The following PPP3CC variants were observed in gnomAD, a reference collection of about 807,000 sequenced individuals.
PPP3CC encodes protein phosphatase 3 catalytic subunit gamma, also known as serine/threonine-protein phosphatase 2B catalytic subunit gamma isoform.
PPP3CC carries 35 observed loss-of-function variants against 60.3 expected under a neutral mutation model. The ratio of observed to expected loss-of-function variants is 0.58; its 90% CI spans 0.44 to 0.77. PPP3CC has a LOEUF of 0.77. Among genes scored for constraint, PPP3CC ranks in the 30% least tolerant of loss-of-function variants. The pLI is 0.00. For synonymous variants in PPP3CC, 206 were observed against 224.3 expected (o/e 0.92, Z 0.73); for missense variants, 570 against 628.9 (o/e 0.91, Z 1.00).
At position 22,441,110 on chromosome 8, in the gene PPP3CC, C is replaced by T; in HGVS notation, c.-300C>T. 3.5e-6 allele frequency: 1 copy of T among 281,694 alleles called. No individual in the cohort carries two copies. The highest frequency in any genetic ancestry group is 6.6e-6 in the Non-Finnish European group (1 of 151,500). 17.4% of individuals were successfully genotyped at this position (281,694 alleles called of 1,614,324 possible). A position where few individuals can be genotyped will look rare whatever the true frequency, so the allele number is the denominator to read the frequency against. On this transcript the variant is annotated 5_prime_UTR_variant, in exon 1 of 14. Transcript: ENST00000240139. The stretch of plus-strand genomic sequence containing the variant: ...CGAGGGCCCGGGCCGCGAGCAGCCG[C>T]GGCCGTCCCGGTCGCCACCCTTAGC...
chr8:22,527,417 T>A lies in PPP3CC; in HGVS notation c.969T>A (p.Asn323Lys). The change falls in exon 9 of 14, where the codon AAT (asparagine) becomes AAA (lysine). Residue 323 changes from asparagine (N) to lysine (K), a missense_variant. Asn to Lys is a moderately conservative substitution (Grantham distance 94, BLOSUM62 0). Coordinates refer to ENST00000240139, the MANE Select transcript of PPP3CC (RefSeq NM_005605.5). ...CTGCTGTGTTGAAATATGAAAACAATGTCATGAATATCAGGCAGTTTAACT... is the reference window on the plus strand; with the variant it reads ...CTGCTGTGTTGAAATATGAAAACAAAGTCATGAATATCAGGCAGTTTAACT... Reference protein sequence around the residue: ...NKAAVLKYENNVMNIRQFNCS... With the variant: ...NKAAVLKYENKVMNIRQFNCS... 6.2e-7 allele frequency: 1 copy of A among 1,613,848 alleles called. No homozygotes were observed. The highest frequency in any genetic ancestry group is 8.5e-7 in the Non-Finnish European group (1 of 1,179,822).
intron 4 of PPP3CC, among the ~76,000 whole-genome samples, chr8:22,504,020 C>A (rs1838837628): frequency 6.6e-6 from 1 of 152,072 alleles, no homozygotes; most frequent in African/African-American, 2.4e-5. Context: ...TCAGATTGTG[C>A]AGCTGTAATC....
chr8:22,521,780 C>T (rs1349092688), intron 6 of PPP3CC, among the ~76,000 whole-genome samples: 1 of 151,976 alleles, frequency 6.6e-6, no homozygotes, highest in African/African-American at 2.4e-5. Flanking sequence ...AGGTATTTGT[C>T]ATTCAGAGAG....
intron 3 of PPP3CC, among the ~76,000 whole-genome samples, chr8:22,484,867 T>A (rs912131352): frequency 3.9e-5 from 6 of 152,138 alleles, no homozygotes; most frequent in Non-Finnish European, 8.8e-5. Flanking sequence ...AAGAAAGAGT[T>A]TAGAAAAAGA....
At chr8:22,458,585 G>A (rs1329775364) in intron 1 of PPP3CC, among the ~76,000 whole-genome samples, 4 of 150,680 alleles carry the variant, frequency 2.7e-5, no homozygotes, top group African/African-American at 9.8e-5. Context: ...GCAACAGAGC[G>A]AGACACCGTC....
intron 3 of PPP3CC, among the ~76,000 whole-genome samples, chr8:22,490,653 C>G (rs993153134): frequency 6.9e-6 from 1 of 145,064 alleles, no homozygotes; most frequent in African/African-American, 2.5e-5. Context: ...CTTCCTGTGT[C>G]CAAGTGTTCT....
intron 3 of PPP3CC, among the ~76,000 whole-genome samples, chr8:22,487,676 G>T (rs1838265758): frequency 6.6e-6 from 1 of 152,106 alleles, no homozygotes; most frequent in African/African-American, 2.4e-5. Flanking sequence ...TGTGAGAGAA[G>T]AAGCTAAATT....
chr8:22,447,686 TA>T (rs1836873679), intron 1 of PPP3CC, among the ~76,000 whole-genome samples: 1 of 152,222 alleles, frequency 6.6e-6, no homozygotes, highest in African/African-American at 2.4e-5. Context: ...ACTTTCAACC[TA>T]ACCTAAGTGG....
rs71206523 is a variant in PPP3CC at position 22,496,485 on chromosome 8, CTTTTTTTTTTTTTT to C, written c.373-1499_373-1486del. ...AAGTTAAATTAGGGAGAACTGTAAT[CTTTTTTTTTTTTTT>C]TTTTTTTTTTTTTTTTGAGACAGAG... is the stretch of plus-strand genomic sequence containing the variant. On this transcript the variant is annotated intron_variant, in intron 3 of 13. Coordinates refer to ENST00000240139, the MANE Select transcript of PPP3CC (RefSeq NM_005605.5). Among the ~76,000 whole-genome samples, 12 of 43,582 alleles carry C rather than the reference CTTTTTTTTTTTTTT, an allele frequency of 2.8e-4. No individual in the cohort carries two copies. In the East Asian group the frequency reaches 3.5e-3, roughly 13 times the overall value. The allele number at this position is 43,582 out of a possible 152,430, so 28.6% of individuals were successfully genotyped here. A position where few individuals can be genotyped will look rare whatever the true frequency, so the allele number is the denominator to read the frequency against.
intron 1 of PPP3CC, among the ~76,000 whole-genome samples, chr8:22,472,326 A>T (rs941952542): frequency 9.4e-5 from 14 of 148,550 alleles, no homozygotes; most frequent in South Asian, 8.6e-4. Flanking sequence ...AAAAGTTTAA[A>T]TTTTTTTTTA....
At chr8:22,490,359 C>T (rs1054441295) in intron 3 of PPP3CC, among the ~76,000 whole-genome samples, 1 of 152,070 alleles carries the variant, frequency 6.6e-6, no homozygotes, top group Non-Finnish European at 1.5e-5. Flanking sequence ...ATGCTGTTTA[C>T]CACACTTTGA....
intron 1 of PPP3CC, among the ~76,000 whole-genome samples, chr8:22,450,073 G>T (rs1358661266): frequency 6.6e-6 from 1 of 151,946 alleles, no homozygotes; most frequent in Non-Finnish European, 1.5e-5. Flanking sequence ...GTTTCACCAT[G>T]TTGGTCAGGC....
chr8:22,524,307 A>G (rs536435997), intron 8 of PPP3CC, among the ~76,000 whole-genome samples: 4 of 152,280 alleles, frequency 2.6e-5, no homozygotes, highest in Admixed American at 2.6e-4. Context: ...ATTAATATTT[A>G]CTCTATTTAA....
At chr8:22,482,781 G>T (rs1838107246) in intron 3 of PPP3CC, among the ~76,000 whole-genome samples, 1 of 152,194 alleles carries the variant, frequency 6.6e-6, no homozygotes, top group Non-Finnish European at 1.5e-5. Context: ...GACAGAGGAA[G>T]AATGTGCCCA....
intron 10 of PPP3CC, 51 bp from the exon 11 acceptor site, chr8:22,532,174 G>T: frequency 7.5e-7 from 1 of 1,334,228 alleles, no homozygotes; most frequent in Non-Finnish European, 1.0e-6. Flanking sequence ...TTTTTTAAAG[G>T]CAGCCTATTA....
chr8:22,447,493 T>G lies in PPP3CC; in HGVS notation c.49+6035T>G, dbSNP rs984368495. 2.6e-5 allele frequency among the ~76,000 whole-genome samples: 4 copies of G among 152,102 alleles called. No individual in the cohort carries two copies. In the South Asian group the frequency reaches 8.3e-4, roughly 32 times the overall value. On this transcript the variant is annotated intron_variant, in intron 1 of 13. Coordinates refer to ENST00000240139, the MANE Select transcript of PPP3CC (RefSeq NM_005605.5). ...CACCGAGCCTGGCCTAATTTTGGTA[T>G]TTTTTATAGAGGTGGAGTTTCGCCC... is the stretch of plus-strand genomic sequence containing the variant.
intron 1 of PPP3CC, among the ~76,000 whole-genome samples, chr8:22,467,031 T>G (rs1008273984): frequency 6.6e-6 from 1 of 152,090 alleles, no homozygotes; most frequent in Non-Finnish European, 1.5e-5. Flanking sequence ...CAGGAGTGAG[T>G]CACCATGCCT....
At chr8:22,538,525 G>T (rs1839893266) in intron 12 of PPP3CC, among the ~76,000 whole-genome samples, 1 of 152,080 alleles carries the variant, frequency 6.6e-6, no homozygotes, top group Non-Finnish European at 1.5e-5. Context: ...ATAAAGCCTT[G>T]GGAATAGCAG....
intron 1 of PPP3CC, among the ~76,000 whole-genome samples, chr8:22,457,863 G>A (rs1336290923): frequency 6.6e-6 from 1 of 151,950 alleles, no homozygotes; most frequent in African/African-American, 2.4e-5. Flanking sequence ...AGGCCAAGGC[G>A]GGCGGATCAC....
Sources: gnomAD v4.1 joint callset for allele counts (sites outside exome capture counted in the v4.1 genomes callset) on GRCh38, gnomAD v4.1.1 for gene constraint, MANE v1.5 for transcripts, NCBI Gene and HGNC (gene_info 2026-07-23, HGNC 2026-07-21) for gene names.